The following NEMP1 variants were observed in gnomAD, a reference collection of about 807,000 sequenced individuals.
NEMP1 encodes the protein transmembrane protein 194.
Under a neutral mutation model 53.7 loss-of-function variants are expected in NEMP1, and 29 were observed. That is an observed-to-expected ratio of 0.54 (90% CI 0.40 to 0.74). The LOEUF (loss-of-function observed/expected upper bound fraction) is 0.74, where lower values mean the gene tolerates loss of function less well. Ranked by LOEUF, NEMP1 falls within the 30% of genes least tolerant of loss-of-function variation. The pLI, the probability that NEMP1 is intolerant of heterozygous loss-of-function variation, is 0.00. For missense variants in NEMP1, 477 were observed against 528.6 expected (o/e 0.90, Z 0.96); for synonymous variants, 193 against 192.9 (o/e 1.00, Z 0.00).
chr12:57,056,667 A>T lies in NEMP1; in HGVS notation c.*3212T>A, dbSNP rs1300124773. On this transcript the variant is annotated 3_prime_UTR_variant, in exon 9 of 9. Coordinates refer to ENST00000300128, the MANE Select transcript of NEMP1 (RefSeq NM_001130963.2). ...TTTACGTAGGCATCCATCTGAGCCC[A>T]TCTTGTTTTTTTTTTCTAAAACAAC... The T allele has an allele frequency of 6.6e-6, 1 of 151,876 alleles. No homozygotes were observed. The highest frequency in any genetic ancestry group is 1.5e-5 in the Non-Finnish European group (1 of 67,954). The allele number at this position is 151,876 out of a possible 1,614,324, so 9.4% of individuals were successfully genotyped here. A position where few individuals can be genotyped will look rare whatever the true frequency, so the allele number is the denominator to read the frequency against.
At position 57,060,945 on chromosome 12, in the gene NEMP1, T is replaced by A; in HGVS notation, c.981A>T (p.Arg327Ser). The change falls in exon 8 of 9, where the codon AGA becomes AGT. Residue 327 changes from arginine (R) to serine (S), a missense_variant and splice_region_variant. By Grantham distance (110) the Arg-to-Ser change is moderately radical. Transcript: ENST00000300128. Reference sequence around the variant, plus strand: ...GCTTTTCTGCTCCCTTACACACCTTTCTGTGCTCACCAAAATAACATTATG... The same window carrying A: ...GCTTTTCTGCTCCCTTACACACCTTACTGTGCTCACCAAAATAACATTATG... ...HPIQWLYITC[R>S]KVCKGAEKPV... 1 of 1,612,372 alleles carries A rather than the reference T, an allele frequency of 6.2e-7. No homozygotes were observed. The highest frequency in any genetic ancestry group is 8.5e-7 in the Non-Finnish European group (1 of 1,179,532).
At chr12:57,084,404 TGA>T (rs953496930) in intron 1 of NEMP1, among the ~76,000 whole-genome samples, 4 of 152,224 alleles carry the variant, frequency 2.6e-5, no homozygotes, top group African/African-American at 9.6e-5. Context: ...GCTAGGAGCC[TGA>T]GAGTCACCCT....
chr12:57,075,438 G>T, intron 1 of NEMP1, among the ~76,000 whole-genome samples: 1 of 144,870 alleles, frequency 6.9e-6, no homozygotes. Flanking sequence ...TAAATAGTTG[G>T]GAGCCAAGAT....
Position 57,058,431 on chromosome 12 carries a change from T to C in NEMP1, c.*1448A>G, listed in dbSNP as rs2031634823. On this transcript the variant is annotated 3_prime_UTR_variant, in exon 9 of 9. Coordinates refer to ENST00000300128, the MANE Select transcript of NEMP1 (RefSeq NM_001130963.2). ...CATCTATCTTCCTGGCTAAGGTAAT[T>C]ACAGACTTTTCCAGGGTATAAGGGT... 6.6e-6 allele frequency: 1 copy of C among 152,218 alleles called. No homozygotes were observed. The highest frequency in any genetic ancestry group is 6.5e-5 in the Admixed American group (1 of 15,284). The allele number at this position is 152,218 out of a possible 1,614,324, so 9.4% of individuals were successfully genotyped here.
chr12:57,076,129 G>C (rs2032607612), intron 1 of NEMP1, among the ~76,000 whole-genome samples: 1 of 151,980 alleles, frequency 6.6e-6, no homozygotes, highest in South Asian at 2.1e-4. Context: ...TATACACAAA[G>C]ATGTTCACAA....
chr12:57,076,311 G>A (rs2032618016), intron 1 of NEMP1, among the ~76,000 whole-genome samples: 1 of 151,788 alleles, frequency 6.6e-6, no homozygotes, highest in Non-Finnish European at 1.5e-5. Context: ...GTTACAGTGA[G>A]CTATGATTGT....
chr12:57,060,500 C>CA (rs1396248935), intron 8 of NEMP1, among the ~76,000 whole-genome samples: 3 of 152,180 alleles, frequency 2.0e-5, no homozygotes, highest in South Asian at 2.1e-4. Context: ...CCTACCAACT[C>CA]AGACAGCAAT....
chr12:57,078,741 G>A lies in NEMP1; in HGVS notation c.5C>T (p.Ala2Val). The A allele has an allele frequency of 1.2e-6, 2 of 1,610,656 alleles. No individual in the cohort carries two copies. Among genetic ancestry groups the A allele is most frequent in the Middle Eastern group, 1.7e-4 (1 of 6,048 alleles). Reference protein sequence around the residue: MAGGMKVAVSPA... With the variant: MVGGMKVAVSPA... ...CGAGACCGCCACTTTCATTCCTCCCGCCATGGTTGCCTCAAGCCACCTCCT... is the reference window on the plus strand; with the variant it reads ...CGAGACCGCCACTTTCATTCCTCCCACCATGGTTGCCTCAAGCCACCTCCT... Residue 2 changes from alanine to valine, a missense_variant, in exon 1 of 9, where the codon GCG becomes GTG. Transcript: ENST00000300128.
At chr12:57,078,809 G>A (rs2032756043), upstream of NEMP1, 1 of 1,548,954 alleles carries the variant, frequency 6.5e-7, no homozygotes, top group Non-Finnish European at 8.8e-7. Flanking sequence ...AACGGGCAAC[G>A]ACAGCAGCCT....
chr12:57,057,013 T>C lies in NEMP1; in HGVS notation c.*2866A>G, dbSNP rs1426154746. 6.6e-6 allele frequency: 1 copy of C among 152,218 alleles called. No homozygotes were observed. Among genetic ancestry groups the C allele is most frequent in the African/African-American group, 2.4e-5 (1 of 41,458 alleles). The allele number at this position is 152,218 out of a possible 1,614,324, so 9.4% of individuals were successfully genotyped here. ...ACAGGAATTACTTATTAGAAGGTAATGAAGTTGCTAAATTTTCCTTGTTTT... is the reference window on the plus strand; with the variant it reads ...ACAGGAATTACTTATTAGAAGGTAACGAAGTTGCTAAATTTTCCTTGTTTT... On this transcript the variant is annotated 3_prime_UTR_variant, in exon 9 of 9. Transcript: ENST00000300128.
intron 1 of NEMP1, among the ~76,000 whole-genome samples, chr12:57,074,953 G>C (rs1307466479): frequency 6.6e-6 from 1 of 152,122 alleles, no homozygotes; most frequent in African/African-American, 2.4e-5. Context: ...AGCTGGGCAT[G>C]GTGGCGGGCA....
intron 3 of NEMP1, among the ~76,000 whole-genome samples, chr12:57,069,594 A>G (rs1025930416): frequency 1.3e-5 from 2 of 152,124 alleles, no homozygotes; most frequent in Admixed American, 1.3e-4. Flanking sequence ...CAGTACCATC[A>G]GCAATTCATG....
chr12:57,070,552 G>A, intron 3 of NEMP1, 122 bp downstream of exon 3: 1 of 757,708 alleles, frequency 1.3e-6, no homozygotes, highest in Non-Finnish European at 2.1e-6. Context: ...GTATACTCAG[G>A]GTTATAATCA....
At chr12:57,061,288 T>A (rs1333485826) in intron 7 of NEMP1, among the ~76,000 whole-genome samples, 2 of 152,192 alleles carry the variant, frequency 1.3e-5, no homozygotes, top group Non-Finnish European at 2.9e-5. Flanking sequence ...AGTAAAAAAT[T>A]ATAGTCAATA....
At chr12:57,065,059 G>C (rs1019538982) in intron 4 of NEMP1, among the ~76,000 whole-genome samples, 1 of 152,302 alleles carries the variant, frequency 6.6e-6, no homozygotes, top group East Asian at 1.9e-4. Context: ...GCTAAAACCT[G>C]CTAAAGATCA....
At chr12:57,071,810 G>A (rs2032361016) in intron 2 of NEMP1, among the ~76,000 whole-genome samples, 3 of 151,488 alleles carry the variant, frequency 2.0e-5, no homozygotes, top group Non-Finnish European at 4.4e-5. Flanking sequence ...GGGTGACTGA[G>A]CGAGACTCCG....
At chr12:57,073,904 C>T (rs1176065998) in intron 1 of NEMP1, among the ~76,000 whole-genome samples, 1 of 152,160 alleles carries the variant, frequency 6.6e-6, no homozygotes, top group African/African-American at 2.4e-5. Flanking sequence ...AGCTAAACTA[C>T]TCCATCTGTT....
upstream of NEMP1, among the ~76,000 whole-genome samples, chr12:57,079,548 G>A (rs1389296715): frequency 6.6e-6 from 1 of 152,136 alleles, no homozygotes; most frequent in Admixed American, 6.5e-5. Flanking sequence ...CTCCAAAGCC[G>A]GAGTTATTTA....
Position 57,067,161 on chromosome 12 carries a change from A to G in NEMP1, c.545+2073T>C, listed in dbSNP as rs1353762949. Reference sequence around the variant, plus strand: ...TAACACGGTGAAACCCGTCTCTACTAAAAATACAAAAAATTAGCTGCACGT... The same window carrying G: ...TAACACGGTGAAACCCGTCTCTACTGAAAATACAAAAAATTAGCTGCACGT... On this transcript the variant is annotated intron_variant, in intron 4 of 8. Transcript: ENST00000300128. 2.6e-5 allele frequency among the ~76,000 whole-genome samples: 4 copies of G among 152,044 alleles called. No individual in the cohort carries two copies. In the East Asian group the frequency reaches 5.8e-4, roughly 22 times the overall value.
Sources: gnomAD v4.1 joint callset for allele counts (sites outside exome capture counted in the v4.1 genomes callset) on GRCh38, gnomAD v4.1.1 for gene constraint, MANE v1.5 for transcripts, NCBI Gene and HGNC (gene_info 2026-07-23, HGNC 2026-07-21) for gene names.